CCDC93: variants seen among roughly 807,000 people sequenced by gnomAD.
CCDC93 encodes the protein CCC complex scaffolding subunit CCDC93.
In CCDC93, 61 loss-of-function variants were observed where a neutral mutation model predicts 108.2. The ratio of observed to expected loss-of-function variants is 0.56; its 90% confidence interval spans 0.46 to 0.70. CCDC93 has a LOEUF of 0.70. Ranked by LOEUF, CCDC93 falls within the 30% of genes least tolerant of loss-of-function variation. The probability of loss-of-function intolerance (pLI) is 0.00; values close to 1 mark genes in which losing one functional copy is unlikely to be tolerated. For missense variants in CCDC93, 685 were observed against 764.2 expected, an observed-to-expected ratio of 0.90 and a Z score of 1.22; for synonymous variants, 276 against 260.4, an observed-to-expected ratio of 1.06 and a Z score of -0.58.
intron 23 of CCDC93, among the ~76,000 whole-genome samples, chr2:117,927,767 T>C (rs560934604): frequency 6.6e-6 from 1 of 152,228 alleles, no homozygotes; most frequent in African/African-American, 2.4e-5. Context: ...TACTTTAAAG[T>C]TCATATGGAA....
chr2:118,008,456 AAAC>A, intron 2 of CCDC93, 86 bp downstream of exon 2: 1 of 779,812 alleles, frequency 1.3e-6, no homozygotes, highest in Non-Finnish European at 2.2e-6. Flanking sequence ...GAAGAAGTTA[AAAC>A]ATCATCTTTT....
chr2:117,948,022 G>A (rs1411579695), intron 15 of CCDC93, 83 bp downstream of exon 15: 8 of 1,118,280 alleles, frequency 7.2e-6, no homozygotes, highest in Non-Finnish European at 1.1e-5. Context: ...GCACTGGATA[G>A]GATGCCACAA....
chr2:117,946,737 T>G, intron 16 of CCDC93, 74 bp downstream of exon 16: 1 of 1,040,920 alleles, frequency 9.6e-7, no homozygotes, highest in Non-Finnish European at 1.5e-6. Context: ...AGCGGTCTGC[T>G]CTTTGGTCCT....
intron 15 of CCDC93, among the ~76,000 whole-genome samples, chr2:117,947,697 T>G (rs1678916569): frequency 6.7e-6 from 1 of 148,614 alleles, no homozygotes; most frequent in Non-Finnish European, 1.5e-5. Context: ...AATCTGCTTT[T>G]TTTTTTTTTT....
chr2:117,957,461 C>T (rs745927035), intron 12 of CCDC93, among the ~76,000 whole-genome samples: 3 of 152,194 alleles, frequency 2.0e-5, no homozygotes, highest in Non-Finnish European at 2.9e-5. Flanking sequence ...TAGCAGTCCA[C>T]GTCTAGACTA....
At chr2:117,950,962 T>C in intron 13 of CCDC93, 5 of 985,360 alleles carry the variant, frequency 5.1e-6, no homozygotes, top group Non-Finnish European at 6.0e-6. Flanking sequence ...TGGCTGCTGT[T>C]TTCATTTGAG....
chr2:117,974,897 G>T lies in CCDC93; in HGVS notation c.754C>A (p.Arg252Ser). Reference sequence around the variant, plus strand: ...ATCTTGGTCATCAGCGACTGAATACGCTGCTGAAAGAGGAATGGAAGGGAG... The same window carrying T: ...ATCTTGGTCATCAGCGACTGAATACTCTGCTGAAAGAGGAATGGAAGGGAG... ...EDELRAAEEQ[R>S]IQSLMTKMTA... Residue 252 changes from arginine (R) to serine (S), a missense_variant, in exon 10 of 24, where the codon CGT (arginine) becomes AGT (serine). Physicochemically the swap from Arg to Ser is moderately radical, Grantham distance 110 (BLOSUM62 -1). Coordinates refer to ENST00000376300, the MANE Select transcript of CCDC93 (RefSeq NM_019044.5). 6.4e-7 allele frequency: 1 copy of T among 1,562,554 alleles called. No individual in the cohort carries two copies. Among genetic ancestry groups the T allele is most frequent in the Non-Finnish European group, 8.7e-7 (1 of 1,152,498 alleles).
intron 6 of CCDC93, among the ~76,000 whole-genome samples, chr2:117,992,364 C>T (rs1224351719): frequency 6.6e-6 from 1 of 152,092 alleles, no homozygotes; most frequent in Non-Finnish European, 1.5e-5. Flanking sequence ...CCACCTTAGC[C>T]TCCTGAGGAG....
At chr2:117,970,122 T>C (rs1171589113) in intron 11 of CCDC93, among the ~76,000 whole-genome samples, 3 of 151,754 alleles carry the variant, frequency 2.0e-5, no homozygotes, top group Non-Finnish European at 4.4e-5. Context: ...ATCAAGCAAA[T>C]AACAAAAACA....
At chr2:117,949,796 C>G in intron 13 of CCDC93, 1 of 985,282 alleles carries the variant, frequency 1.0e-6, no homozygotes, top group Non-Finnish European at 1.2e-6. Flanking sequence ...TGCCCTAAGA[C>G]CCCCAAACAT....
intron 11 of CCDC93, among the ~76,000 whole-genome samples, chr2:117,970,854 T>C (rs903978732): frequency 1.3e-5 from 2 of 152,152 alleles, no homozygotes; most frequent in Admixed American, 6.5e-5. Flanking sequence ...TGCTGGGAAG[T>C]CCCTTCACAA....
At position 117,975,276 on chromosome 2, in the gene CCDC93, T is replaced by G. The variant is rs1235740136; in HGVS notation, c.662A>C (p.Glu221Ala). ...FSRQSKMEKA[E>A]DKKTALPAGL... ...TGCTGGAAGTGCCGTTTTCTTGTCC[T>G]CAGCCTGCAAGGGAAGATGTGAAAA... The change falls in exon 9 of 24, where the codon GAG becomes GCG. Residue 221 changes from glutamate to alanine, a missense_variant. Glu to Ala is a moderately radical substitution (Grantham distance 107, BLOSUM62 -1). Transcript: ENST00000376300. The G allele has an allele frequency of 1.9e-6, 3 of 1,612,034 alleles. No individual in the cohort carries two copies. The highest frequency in any genetic ancestry group is 2.5e-6 in the Non-Finnish European group (3 of 1,179,272).
At chr2:117,981,515 T>C (rs1680114803) in intron 7 of CCDC93, among the ~76,000 whole-genome samples, 1 of 152,208 alleles carries the variant, frequency 6.6e-6, no homozygotes, top group Non-Finnish European at 1.5e-5. Context: ...CTACCTACAC[T>C]GTTAGCACCA....
rs536277732 is a variant in CCDC93, at chr2:117,947,077, C to T, written c.1225-195G>A. ...TTTCAGGAGGCTACAGGCAGCTATT[C>T]CTCCATCAAAAGAGGTCCTTCTTTC... On this transcript the variant is annotated intron_variant, in intron 15 of 23. Coordinates refer to ENST00000376300, the MANE Select transcript of CCDC93 (RefSeq NM_019044.5). Among the ~76,000 whole-genome samples, 42 of 152,240 alleles carry T rather than the reference C, an allele frequency of 2.8e-4. No homozygotes were observed. In the South Asian group the frequency reaches 5.6e-3, roughly 20 times the overall value.
chr2:118,011,088 T>TA (rs1230006509), intron 1 of CCDC93, among the ~76,000 whole-genome samples: 1 of 152,150 alleles, frequency 6.6e-6, no homozygotes, highest in Non-Finnish European at 1.5e-5. Context: ...CAAACAACAT[T>TA]AAGCTCCAAG....
intron 7 of CCDC93, among the ~76,000 whole-genome samples, chr2:117,979,333 T>C (rs1680040133): frequency 6.6e-6 from 1 of 152,118 alleles, no homozygotes. Context: ...AACTAAGCTG[T>C]TCCCCTCTCG....
At chr2:117,982,904 G>A (rs1461657086) in intron 7 of CCDC93, among the ~76,000 whole-genome samples, 1 of 152,224 alleles carries the variant, frequency 6.6e-6, no homozygotes, top group Non-Finnish European at 1.5e-5. Context: ...ACACATGCTA[G>A]AGGGAGGGCT....
intron 23 of CCDC93, among the ~76,000 whole-genome samples, chr2:117,925,753 C>T (rs934162707): frequency 2.0e-5 from 3 of 152,182 alleles, no homozygotes; most frequent in African/African-American, 7.2e-5. Context: ...GAACTCAGCT[C>T]TGCACCAAGC....
chr2:117,950,315 C>T (rs1159012502), intron 13 of CCDC93: 1 of 985,186 alleles, frequency 1.0e-6, no homozygotes, highest in African/African-American at 1.7e-5. Context: ...ACAGAGCAAG[C>T]AAAACTAGAT....
Sources: gnomAD v4.1 joint callset for allele counts (sites outside exome capture counted in the v4.1 genomes callset) on GRCh38, gnomAD v4.1.1 for gene constraint, MANE v1.5 for transcripts, NCBI Gene and HGNC (gene_info 2026-07-23, HGNC 2026-07-21) for gene names.